Variants in ZNF385C observed in about 807,000 individuals in gnomAD.
The protein encoded by ZNF385C is CTD-2132N18.2.
In ZNF385C, 28 loss-of-function variants were observed where a neutral mutation model predicts 35.4. That is an observed-to-expected ratio of 0.79 (90% CI 0.59 to 1.08). The LOEUF (loss-of-function observed/expected upper bound fraction) is 1.08, where lower values mean the gene tolerates loss of function less well. ZNF385C is among the 50% of genes least tolerant of loss of function. The pLI is 0.00. For synonymous variants in ZNF385C, 248 were observed against 248.2 expected (o/e 1.00, Z 0.01); for missense variants, 605 against 595.6 (o/e 1.02, Z -0.16).
In ZNF385C at chr17:42,031,792, G is replaced by T. The variant is rs961534262; in HGVS notation, c.511-8C>A. 11 of 1,550,294 alleles carry T rather than the reference G, an allele frequency of 7.1e-6. No homozygotes were observed. Among genetic ancestry groups the T allele is most frequent in the Non-Finnish European group, 9.6e-6 (11 of 1,146,856 alleles). Reference sequence around the variant, plus strand: ...ATGTGCCTCGGCCTGGTTCTGGGGAGGGGAGGGCAAGAGGTCACCATTCAC... The same window carrying T: ...ATGTGCCTCGGCCTGGTTCTGGGGATGGGAGGGCAAGAGGTCACCATTCAC... On this transcript the variant is annotated splice_polypyrimidine_tract_variant and splice_region_variant and intron_variant, in intron 4 of 8. Coordinates refer to ENST00000692273, the MANE Select transcript of ZNF385C (RefSeq NM_001392013.1).
chr17:42,073,149 G>A (rs1330075312), intron 1 of ZNF385C, among the ~76,000 whole-genome samples: 1 of 152,058 alleles, frequency 6.6e-6, no homozygotes, highest in African/African-American at 2.4e-5. Flanking sequence ...GAAAGATTGG[G>A]GACTTAGGTA....
Position 42,027,730 on chromosome 17 carries a change from T to C in ZNF385C, c.1165-2A>G. ...TTTGTGCCTCCTGCTGCTCATGTGCTAATGGACAGACAGACAGACTGGGAA... is the reference window on the plus strand; with the variant it reads ...TTTGTGCCTCCTGCTGCTCATGTGCCAATGGACAGACAGACAGACTGGGAA... On this transcript the variant is annotated splice_acceptor_variant, in intron 7 of 8. Coordinates refer to ENST00000692273, the MANE Select transcript of ZNF385C (RefSeq NM_001392013.1). LOFTEE classifies it high-confidence loss of function. 6.2e-7 allele frequency: 1 copy of C among 1,611,550 alleles called. No individual in the cohort carries two copies. The highest frequency in any genetic ancestry group is 1.1e-5 in the South Asian group (1 of 90,826).
chr17:42,062,580 G>A (rs891276142), intron 2 of ZNF385C: 12 of 387,928 alleles, frequency 3.1e-5, no homozygotes, highest in African/African-American at 1.9e-4. Flanking sequence ...CCCAAGAGGC[G>A]GCCTAAGGAC....
At chr17:42,079,289 A>T (rs1231602000) in intron 1 of ZNF385C, among the ~76,000 whole-genome samples, 1 of 148,502 alleles carries the variant, frequency 6.7e-6, no homozygotes, top group Non-Finnish European at 1.5e-5. Context: ...CTGTAATCCC[A>T]ACTACTGGGG....
At chr17:42,040,538 C>T (rs1350088019) in intron 2 of ZNF385C, 34 of 1,232,962 alleles carry the variant, frequency 2.8e-5, no homozygotes, top group Admixed American at 8.4e-5. Context: ...TGGGTGAAGG[C>T]CACGAAGGTG....
At chr17:42,043,038 C>G in intron 2 of ZNF385C, 7 of 1,232,296 alleles carry the variant, frequency 5.7e-6, no homozygotes, top group Non-Finnish European at 7.1e-6. Context: ...AGGCAGGGGT[C>G]GTAGCCAGGC....
In ZNF385C at chr17:42,042,964, A is replaced by G; in HGVS notation, c.251-5079T>C. On this transcript the variant is annotated intron_variant, in intron 2 of 8. Transcript: ENST00000692273. ...GTCATTGGGCACATCCTCCTTTGCC[A>G]TGCAGTACACAGTAGTCAGCACAGC... 3 of 1,232,532 alleles carry G rather than the reference A, an allele frequency of 2.4e-6. No individual in the cohort carries two copies. The South Asian group carries it at 1.2e-4, about 51-fold the overall frequency. 76.3% of individuals were successfully genotyped at this position (1,232,532 alleles called of 1,614,324 possible). A position where few individuals can be genotyped will look rare whatever the true frequency, so the allele number is the denominator to read the frequency against.
intron 2 of ZNF385C, among the ~76,000 whole-genome samples, chr17:42,060,597 G>A (rs1242601484): frequency 1.3e-5 from 2 of 152,288 alleles, no homozygotes; most frequent in East Asian, 3.9e-4. Context: ...CCATGGGCTT[G>A]CAGGCCTCAA....
chr17:42,094,689 A>G (rs1555660849), intron 1 of ZNF385C, among the ~76,000 whole-genome samples: 1 of 152,172 alleles, frequency 6.6e-6, no homozygotes, highest in Non-Finnish European at 1.5e-5. Context: ...AGAACTACAC[A>G]AGGACAGACA....
chr17:42,027,734 G>GGACA lies in ZNF385C; in HGVS notation c.1165-10_1165-7dup. ...TGCCTCCTGCTGCTCATGTGCTAATGGACAGACAGACAGACTGGGAACAAG... is the reference window on the plus strand; with the variant it reads ...TGCCTCCTGCTGCTCATGTGCTAATGGACAGACAGACAGACAGACTGGGAACAAG... On this transcript the variant is annotated splice_polypyrimidine_tract_variant and splice_region_variant and intron_variant, in intron 7 of 8. Coordinates refer to ENST00000692273, the MANE Select transcript of ZNF385C (RefSeq NM_001392013.1). 1 of 1,610,110 alleles carries GGACA rather than the reference G, an allele frequency of 6.2e-7. No individual in the cohort carries two copies. Among genetic ancestry groups the GGACA allele is most frequent in the Non-Finnish European group, 8.5e-7 (1 of 1,178,640 alleles).
chr17:42,043,121 G>C (rs540274862), intron 2 of ZNF385C: 2 of 1,232,126 alleles, frequency 1.6e-6, no homozygotes, highest in Non-Finnish European at 2.0e-6. Context: ...AGAGCCTGGC[G>C]GTGGGCTCCT....
chr17:42,096,168 A>G (rs1343830396), intron 1 of ZNF385C, among the ~76,000 whole-genome samples: 2 of 152,136 alleles, frequency 1.3e-5, no homozygotes, highest in Non-Finnish European at 1.5e-5. Context: ...ACCCAGCCTC[A>G]TGTCCTTGCT....
chr17:42,037,710 G>T, intron 3 of ZNF385C, 27 bp downstream of exon 3: 1 of 1,489,222 alleles, frequency 6.7e-7, no homozygotes, highest in Non-Finnish European at 8.9e-7. Context: ...TTGTGTGCAT[G>T]CCCCCACCCG....
Position 42,062,958 on chromosome 17 carries a change from G to A in ZNF385C, c.99C>T (p.Pro33=), listed in dbSNP as rs1329664341. ...CLPRPPEPPK[P]KRERKRPSYT... is the part of the protein sequence containing the mutation. ...ACGATGGCCGCTTTCTTTCTCGCTT[G>A]GGCTTAGGTGGTTCTGGGGGCCGAG... Residue 33 remains proline, a synonymous_variant, in exon 2 of 9, where the codon CCC becomes CCT. Transcript: ENST00000692273. 9 of 694,056 alleles carry A rather than the reference G, an allele frequency of 1.3e-5. No individual in the cohort carries two copies. The highest frequency in any genetic ancestry group is 1.2e-4 in the African/African-American group (7 of 56,590). 43.0% of individuals were successfully genotyped at this position (694,056 alleles called of 1,614,324 possible). A position where few individuals can be genotyped will look rare whatever the true frequency, so the allele number is the denominator to read the frequency against.
At chr17:42,073,706 A>G (rs1159737424) in intron 1 of ZNF385C, among the ~76,000 whole-genome samples, 7 of 152,102 alleles carry the variant, frequency 4.6e-5, no homozygotes, top group Non-Finnish European at 7.4e-5. Context: ...TGGTGGCACG[A>G]CCTCCTAAGA....
chr17:42,043,792 C>T (rs1397408343), intron 2 of ZNF385C, among the ~76,000 whole-genome samples: 5 of 152,118 alleles, frequency 3.3e-5, no homozygotes, highest in African/African-American at 1.2e-4. Context: ...GGTCTCTTTC[C>T]ACCCAGGACA....
At chr17:42,068,552 T>C (rs1555658589) in intron 1 of ZNF385C, among the ~76,000 whole-genome samples, 1 of 152,132 alleles carries the variant, frequency 6.6e-6, no homozygotes, top group African/African-American at 2.4e-5. Flanking sequence ...TGACTACGTT[T>C]CCCAGGCTCC....
chr17:42,041,300 G>T, intron 2 of ZNF385C: 1 of 925,966 alleles, frequency 1.1e-6, no homozygotes, highest in Non-Finnish European at 1.4e-6. Context: ...AGGTTAGACA[G>T]ACTTAGGGAC....
Position 42,059,161 on chromosome 17 carries a change from G to T in ZNF385C, c.250+3646C>A, listed in dbSNP as rs782433588. On this transcript the variant is annotated intron_variant, in intron 2 of 8. Transcript: ENST00000692273. ...AGGGCTCCTGGAAATCTAAGGACCC[G>T]TCCCCACTGCCTTAGGCACAGCTAT... Among the ~76,000 whole-genome samples the T allele has an allele frequency of 3.9e-4, 59 of 152,116 alleles. 1 individual carries two copies. Among genetic ancestry groups the T allele is most frequent in the Admixed American group, 1.3e-4 (2 of 15,280 alleles).
Sources: allele counts gnomAD v4.1 joint callset (sites outside exome capture counted in the v4.1 genomes callset), GRCh38; gene constraint gnomAD v4.1.1; transcripts MANE v1.5; gene names NCBI Gene and HGNC (gene_info 2026-07-23, HGNC 2026-07-21).